The following CCDC88C variants were observed in gnomAD, a reference collection of about 807,000 sequenced individuals.
CCDC88C encodes protein Daple.
Under a neutral mutation model 198.8 loss-of-function variants are expected in CCDC88C, and 131 were observed. That is an observed-to-expected ratio of 0.66 (90% CI 0.57 to 0.76). The LOEUF (loss-of-function observed/expected upper bound fraction) is 0.76. Among genes scored for constraint, CCDC88C ranks in the 30% least tolerant of loss-of-function variants. The pLI is 0.00. For missense variants in CCDC88C, 2,553 were observed against 2,631.6 expected, an observed-to-expected ratio of 0.97 and a Z score of 0.65; for synonymous variants, 1,166 against 1,114.7, an observed-to-expected ratio of 1.05 and a Z score of -0.92.
chr14:91,405,894 C>T (rs954707862), intron 3 of CCDC88C, among the ~76,000 whole-genome samples: 2 of 152,236 alleles, frequency 1.3e-5, no homozygotes, highest in Non-Finnish European at 2.9e-5. Flanking sequence ...AGTGACCACT[C>T]CCTGGTCAGC....
chr14:91,340,767 T>C (rs766435451), intron 6 of CCDC88C, among the ~76,000 whole-genome samples: 9 of 152,308 alleles, frequency 5.9e-5, no homozygotes, highest in Non-Finnish European at 1.2e-4. Flanking sequence ...CAAAGAAGTC[T>C]TTATTCAATC....
intron 2 of CCDC88C, among the ~76,000 whole-genome samples, chr14:91,411,899 G>T (rs1472337792): frequency 6.6e-6 from 1 of 150,540 alleles, no homozygotes; most frequent in Non-Finnish European, 1.5e-5. Flanking sequence ...GGAGGCAGAG[G>T]TTGCAATGAG....
At chr14:91,394,731 A>T (rs1885732556) in intron 3 of CCDC88C, among the ~76,000 whole-genome samples, 1 of 152,194 alleles carries the variant, frequency 6.6e-6, no homozygotes, top group Non-Finnish European at 1.5e-5. Flanking sequence ...TCCTTTGATG[A>T]GATAATATGT....
At chr14:91,356,615 A>T (rs1057277329) in intron 4 of CCDC88C, among the ~76,000 whole-genome samples, 1 of 152,148 alleles carries the variant, frequency 6.6e-6, no homozygotes, top group African/African-American at 2.4e-5. Flanking sequence ...ACAGCTTTGT[A>T]TATTTATGAA....
intron 3 of CCDC88C, among the ~76,000 whole-genome samples, chr14:91,386,742 C>T (rs963706952): frequency 6.6e-6 from 1 of 152,200 alleles, no homozygotes; most frequent in Non-Finnish European, 1.5e-5. Context: ...CTTGTGGATT[C>T]CATCTTAGAG....
At chr14:91,395,819 C>T (rs1427811775) in intron 3 of CCDC88C, among the ~76,000 whole-genome samples, 1 of 152,158 alleles carries the variant, frequency 6.6e-6, no homozygotes. Context: ...CCCCTCAACC[C>T]TTAGCCTCCC....
chr14:91,302,306 G>C (rs963815271), intron 20 of CCDC88C, among the ~76,000 whole-genome samples: 1 of 152,184 alleles, frequency 6.6e-6, no homozygotes, highest in African/African-American at 2.4e-5. Flanking sequence ...CCATTTCCCA[G>C]GCAAAGGAAG....
At position 91,283,461 on chromosome 14, in the gene CCDC88C, T is replaced by G; in HGVS notation, c.4498A>C (p.Thr1500Pro). ...GSPHRGSLDR[T>P]DASTDLAMRS... ...ATGGCCAGATCGGTGGAGGCATCTG[T>G]GCGGTCAAGGCTGCCTCTGTGTGGG... The change falls in exon 26 of 30, where the codon ACA (threonine) becomes CCA (proline). Residue 1500 changes from threonine to proline, a missense_variant. Physicochemically the swap from Thr to Pro is conservative, Grantham distance 38. This residue lies in a region of CCDC88C where 1,293 missense variants were observed against 1,219.6 expected (regional missense o/e 1.06). Transcript: ENST00000389857. 6.2e-7 allele frequency: 1 copy of G among 1,613,136 alleles called. No individual in the cohort carries two copies. Among genetic ancestry groups the G allele is most frequent in the Non-Finnish European group, 8.5e-7 (1 of 1,179,638 alleles).
At chr14:91,401,057 G>A (rs1483917383) in intron 3 of CCDC88C, among the ~76,000 whole-genome samples, 2 of 150,944 alleles carry the variant, frequency 1.3e-5, no homozygotes, top group Non-Finnish European at 2.9e-5. Flanking sequence ...CTCACTGCCT[G>A]GTAAATGAAA....
rs954230107 is a variant in CCDC88C, at chr14:91,352,223, T to C, written c.340+7419A>G. On this transcript the variant is annotated intron_variant, in intron 4 of 29. Coordinates refer to ENST00000389857, the MANE Select transcript of CCDC88C (RefSeq NM_001080414.4). The surrounding 1 kb of genome is among the most constrained non-coding windows in gnomAD (Gnocchi z 4.2). ...GTGTGGCTGTTGCAGCCAGCGGCGT[T>C]CTCTGTGTGCCTGGGCCATCGCTAG... Among the ~76,000 whole-genome samples, 4 of 152,202 alleles carry C rather than the reference T, an allele frequency of 2.6e-5. No individual in the cohort carries two copies. The highest frequency in any genetic ancestry group is 9.6e-5 in the African/African-American group (4 of 41,460).
At chr14:91,340,478 A>T (rs1158437672) in intron 6 of CCDC88C, among the ~76,000 whole-genome samples, 3 of 152,170 alleles carry the variant, frequency 2.0e-5, no homozygotes, top group African/African-American at 7.2e-5. Flanking sequence ...TGTTTTCTGG[A>T]TCTATTCATA....
intron 3 of CCDC88C, among the ~76,000 whole-genome samples, chr14:91,407,584 T>C (rs1886572851): frequency 6.6e-6 from 1 of 152,190 alleles, no homozygotes; most frequent in African/African-American, 2.4e-5. Flanking sequence ...AGGAGACAGC[T>C]GAGCACAGTG....
chr14:91,372,306 C>T (rs1274014300), intron 3 of CCDC88C, among the ~76,000 whole-genome samples: 1 of 151,796 alleles, frequency 6.6e-6, no homozygotes, highest in East Asian at 1.9e-4. Context: ...AGGGTGTTTG[C>T]TATAGGGCCA....
At chr14:91,397,669 C>T (rs1448857960) in intron 3 of CCDC88C, among the ~76,000 whole-genome samples, 1 of 152,236 alleles carries the variant, frequency 6.6e-6, no homozygotes, top group African/African-American at 2.4e-5. Flanking sequence ...CACCCTCCGC[C>T]CAACCCCGGA....
chr14:91,322,597 C>A (rs1471907890), intron 12 of CCDC88C, among the ~76,000 whole-genome samples: 1 of 152,212 alleles, frequency 6.6e-6, no homozygotes, highest in Non-Finnish European at 1.5e-5. Context: ...CTGTGGTCAT[C>A]TGGACAGTGT....
chr14:91,315,574 A>T, intron 14 of CCDC88C, 76 bp downstream of exon 14: 2 of 1,520,050 alleles, frequency 1.3e-6, no homozygotes, highest in Non-Finnish European at 1.8e-6. Flanking sequence ...ATACAGTACC[A>T]GGAATGGCTG....
intron 3 of CCDC88C, among the ~76,000 whole-genome samples, chr14:91,401,793 C>T (rs183628310): frequency 6.6e-6 from 1 of 152,276 alleles, no homozygotes; most frequent in East Asian, 1.9e-4. Flanking sequence ...ATTATTACTC[C>T]TAAAGCAAAT....
chr14:91,311,735 T>A (rs977617209), intron 15 of CCDC88C, among the ~76,000 whole-genome samples: 1 of 152,194 alleles, frequency 6.6e-6, no homozygotes, highest in African/African-American at 2.4e-5. Flanking sequence ...AATGCCCAGG[T>A]GGCCCACACA....
chr14:91,342,919 G>A (rs552799653), intron 5 of CCDC88C, among the ~76,000 whole-genome samples: 1 of 152,308 alleles, frequency 6.6e-6, no homozygotes, highest in East Asian at 1.9e-4. Context: ...TGGCAAACCA[G>A]CCACAGACAA....
Sources: gnomAD v4.1 joint callset for allele counts (sites outside exome capture counted in the v4.1 genomes callset) on GRCh38, gnomAD v4.1.1 for gene constraint, gnomAD v4.1.1 regional missense constraint, Gnocchi (gnomAD v3.1) non-coding constraint, MANE v1.5 for transcripts, NCBI Gene and HGNC (gene_info 2026-07-23, HGNC 2026-07-21) for gene names.